The following FBXO9 variants were observed in gnomAD, a reference collection of about 807,000 sequenced individuals.
FBXO9 encodes the protein F-box only protein 9.
A neutral mutation model predicts 63.7 loss-of-function variants in FBXO9; 43 were observed. The observed-to-expected ratio is 0.67, with a 90% CI of 0.53 to 0.87. FBXO9 has a LOEUF of 0.87. Among genes scored for constraint, FBXO9 ranks in the 40% least tolerant of loss-of-function variants. The probability of loss-of-function intolerance (pLI) is 0.00; values close to 1 mark genes in which losing one functional copy is unlikely to be tolerated. For missense variants in FBXO9, 442 were observed against 533.2 expected (o/e 0.83, Z 1.68); for synonymous variants, 156 against 171.7 (o/e 0.91, Z 0.72).
chr6:53,073,686 C>A, intron 3 of FBXO9, 47 bp downstream of exon 3: 4 of 1,418,202 alleles, frequency 2.8e-6, no homozygotes, highest in Admixed American at 2.3e-5. Context: ...TTTTTTTTGG[C>A]ACATGGAAAT....
rs566747572 is a variant in FBXO9, at chr6:53,098,984, A to C, written c.*1154A>C. 2.7e-4 allele frequency: 41 copies of C among 152,296 alleles called. No homozygotes were observed. Among genetic ancestry groups the C allele is most frequent in the African/African-American group, 9.6e-4 (40 of 41,566 alleles). The allele number at this position is 152,296 out of a possible 1,614,324, so 9.4% of individuals were successfully genotyped here. ...GTTGTTTCAACCATAGTTAGAGACAAATTCTCATGTACTTTCAGAAATCAA... is the reference window on the plus strand; with the variant it reads ...GTTGTTTCAACCATAGTTAGAGACACATTCTCATGTACTTTCAGAAATCAA... On this transcript the variant is annotated 3_prime_UTR_variant, in exon 13 of 13. Coordinates refer to ENST00000323557, the MANE Select transcript of FBXO9 (RefSeq NM_033480.3).
chr6:53,073,668 AC>A (rs1422414921), intron 3 of FBXO9, 29 bp downstream of exon 3: 2 of 1,363,554 alleles, frequency 1.5e-6, no homozygotes, highest in Non-Finnish European at 9.4e-7. Flanking sequence ...GTAACAAATT[AC>A]ATTTTTTTTT....
rs995088863 is a variant in FBXO9, at chr6:53,073,385, T to C, written c.91-96T>C. 24 of 863,060 alleles carry C rather than the reference T, an allele frequency of 2.8e-5. No homozygotes were observed. In the Admixed American group the frequency reaches 3.6e-4, roughly 13 times the overall value. The allele number at this position is 863,060 out of a possible 1,614,324, so 53.5% of individuals were successfully genotyped here. ...TTCTGGACTTAGAGTAATAAGTATA[T>C]ACGTGGAAGTAGATAGATGTTGGAC... On this transcript the variant is annotated intron_variant, in intron 2 of 12. Coordinates refer to ENST00000323557, the MANE Select transcript of FBXO9 (RefSeq NM_033480.3).
Position 53,078,898 on chromosome 6 carries a change from A to G in FBXO9, c.407A>G (p.Tyr136Cys), listed in dbSNP as rs750531698. The change falls in exon 5 of 13, where the codon TAC becomes TGC. Residue 136 changes from tyrosine to cysteine, a missense_variant and splice_region_variant. Transcript: ENST00000323557. ...SPDGDGVGNS[Y>C]IEDNDDDSKM... ...GATGGTGATGGCGTTGGAAACAGCT[A>G]GTGCGTATATAATTTGATAGATAGT... 1.2e-6 allele frequency: 2 copies of G among 1,609,054 alleles called. No individual in the cohort carries two copies. The highest frequency in any genetic ancestry group is 1.7e-6 in the Non-Finnish European group (2 of 1,175,412).
At chr6:53,079,004 C>G in intron 5 of FBXO9, 106 bp downstream of exon 5, 1 of 644,522 alleles carries the variant, frequency 1.6e-6, no homozygotes, top group Non-Finnish European at 2.6e-6. Context: ...GCTCTATACT[C>G]TTTAGTATAT....
chr6:53,087,095 A>G (rs1762910016), intron 7 of FBXO9, among the ~76,000 whole-genome samples: 1 of 152,042 alleles, frequency 6.6e-6, no homozygotes, highest in African/African-American at 2.4e-5. Flanking sequence ...TAATCCTAGC[A>G]CTTTGGGAGG....
intron 1 of FBXO9, chr6:53,066,101 G>T: frequency 8.5e-7 from 1 of 1,182,380 alleles, no homozygotes; most frequent in Non-Finnish European, 1.0e-6. Context: ...TATTGAACCA[G>T]TCTCGGTCCT....
chr6:53,087,806 AT>A (rs1157155919), intron 7 of FBXO9, among the ~76,000 whole-genome samples: 1 of 152,200 alleles, frequency 6.6e-6, no homozygotes, highest in African/African-American at 2.4e-5. Flanking sequence ...AGAAAACTTC[AT>A]TGTTCTAACA....
chr6:53,078,362 G>A (rs1239835095), intron 4 of FBXO9, among the ~76,000 whole-genome samples: 2 of 152,224 alleles, frequency 1.3e-5, no homozygotes, highest in Non-Finnish European at 2.9e-5. Flanking sequence ...GGAGACTGAG[G>A]TGGGAGAATC....
intron 3 of FBXO9, 96 bp downstream of exon 3, chr6:53,073,735 T>C: frequency 9.6e-7 from 1 of 1,039,698 alleles, no homozygotes; most frequent in Admixed American, 2.7e-5. Flanking sequence ...AACCAGACTT[T>C]CGGGACATAA....
At chr6:53,080,128 C>T (rs778008304) in intron 5 of FBXO9, among the ~76,000 whole-genome samples, 17 of 151,554 alleles carry the variant, frequency 1.1e-4, no homozygotes, top group East Asian at 1.9e-4. Context: ...CAAACCCAGA[C>T]GCTATGAAAG....
chr6:53,081,307 T>C (rs983667462), intron 6 of FBXO9, among the ~76,000 whole-genome samples: 27 of 152,246 alleles, frequency 1.8e-4, no homozygotes, highest in Non-Finnish European at 4.0e-4. Flanking sequence ...AGACGTGCCC[T>C]GTCACCCAGG....
rs760336201 is a variant in FBXO9, at chr6:53,076,538, A to G, written c.302A>G (p.Tyr101Cys). 9 of 1,539,306 alleles carry G rather than the reference A, an allele frequency of 5.8e-6. No individual in the cohort carries two copies. The highest frequency in any genetic ancestry group is 7.8e-6 in the Non-Finnish European group (9 of 1,154,278). Residue 101 changes from tyrosine (Y) to cysteine (C), a missense_variant, in exon 4 of 13, where the codon TAT (tyrosine) becomes TGT (cysteine). Physicochemically the swap from Tyr to Cys is radical, Grantham distance 194. Around this residue, in one of 2 missense-constraint regions of FBXO9, gnomAD observed 180 missense variants for 171.1 expected, o/e 1.05. Transcript: ENST00000323557. ...GAAGAAGAACAAAATGGAGCTCTCT[A>G]TGAAGGTAAAAATTCAGAGCCCAGG... ...AVEEEQNGAL[Y>C]EAIKFYRRAM...
At chr6:53,087,553 C>G (rs1762928653) in intron 7 of FBXO9, among the ~76,000 whole-genome samples, 1 of 151,898 alleles carries the variant, frequency 6.6e-6, no homozygotes, top group Admixed American at 6.6e-5. Flanking sequence ...AGGAGTGGTA[C>G]AGCAAAAGTT....
intron 7 of FBXO9, among the ~76,000 whole-genome samples, chr6:53,083,901 A>T (rs1769390472): frequency 6.6e-6 from 1 of 152,216 alleles, no homozygotes; most frequent in Non-Finnish European, 1.5e-5. Flanking sequence ...CCTGGTTTCT[A>T]GTCTCATCCC....
chr6:53,075,747 T>TA (rs1769084571), intron 3 of FBXO9, among the ~76,000 whole-genome samples: 1 of 117,718 alleles, frequency 8.5e-6, no homozygotes, highest in South Asian at 3.1e-4. Context: ...ATTTTTTTTT[T>TA]TTTTTTTTTT....
chr6:53,095,678 AT>A lies in FBXO9; in HGVS notation c.1205+15del. ...CATTACTTACAAGTAGGTGAATGCA[AT>A]AAAAATAACAAGGTTACACTATAAA... On this transcript the variant is annotated intron_variant, in intron 12 of 12. Transcript: ENST00000323557. 6.3e-7 allele frequency: 1 copy of A among 1,596,704 alleles called. No individual in the cohort carries two copies. Among genetic ancestry groups the A allele is most frequent in the African/African-American group, 1.3e-5 (1 of 74,156 alleles).
At chr6:53,066,385 TGA>T (rs1447132673) in intron 1 of FBXO9, among the ~76,000 whole-genome samples, 3 of 152,198 alleles carry the variant, frequency 2.0e-5, no homozygotes, top group African/African-American at 7.2e-5. Flanking sequence ...GCCGTCCAAA[TGA>T]GAGACTGAGC....
chr6:53,065,360 G>A (rs564866794), upstream of FBXO9: 43 of 167,604 alleles, frequency 2.6e-4, no homozygotes, highest in African/African-American at 9.0e-4. Flanking sequence ...AGCCCGCGGG[G>A]ATGGGTGGCC....
Sources: allele counts gnomAD v4.1 joint callset (sites outside exome capture counted in the v4.1 genomes callset), GRCh38; gene constraint gnomAD v4.1.1; regional missense constraint gnomAD v4.1.1; transcripts MANE v1.5; gene names NCBI Gene and HGNC (gene_info 2026-07-23, HGNC 2026-07-21).